Variants in KTN1 observed in about 807,000 individuals in gnomAD.
KTN1 encodes kinectin 1, also known as kinectin.
A neutral mutation model predicts 222.5 loss-of-function variants in KTN1; 130 were observed. The observed-to-expected ratio is 0.58, with a 90% confidence interval of 0.51 to 0.68. The LOEUF is 0.68. Ranked by LOEUF, KTN1 falls within the 30% of genes least tolerant of loss-of-function variation. The pLI is 0.00. For missense variants in KTN1, 1,508 were observed against 1,500.4 expected (o/e 1.01, Z -0.08); for synonymous variants, 512 against 496.3 (o/e 1.03, Z -0.42).
intron 1 of KTN1, 77 bp from the exon 2 acceptor site, chr14:55,611,942 C>A: frequency 1.7e-6 from 1 of 583,564 alleles, no homozygotes; most frequent in South Asian, 4.5e-5. Context: ...CTTGAAAGAG[C>A]AGCAGTTTTG....
At chr14:55,656,606 C>T (rs10130197) in intron 29 of KTN1, among the ~76,000 whole-genome samples, 471 of 152,202 alleles carry the variant, frequency 3.1e-3, no homozygotes, top group African/African-American at 0.011. Flanking sequence ...GCTGGGACTA[C>T]AGGCATGCAC....
intron 1 of KTN1, among the ~76,000 whole-genome samples, chr14:55,593,992 A>G (rs557413169): frequency 7.2e-5 from 11 of 152,194 alleles, no homozygotes; most frequent in Non-Finnish European, 1.5e-4. Flanking sequence ...CCTCTACTGC[A>G]CTTAAGATAT....
intron 37 of KTN1, 184 bp downstream of exon 37, chr14:55,672,061 T>C (rs990250062): frequency 2.0e-5 from 11 of 541,142 alleles, no homozygotes; most frequent in Middle Eastern, 6.1e-4. Context: ...CCACCCAAGT[T>C]TGAAAATCAC....
At position 55,589,619 on chromosome 14, in the gene KTN1, T is replaced by G. The variant is rs978213125; in HGVS notation, c.-31+9265T>G. On this transcript the variant is annotated intron_variant, in intron 1 of 43. Coordinates refer to ENST00000395314, the MANE Select transcript of KTN1 (RefSeq NM_001079521.2). Reference sequence around the variant, plus strand: ...GCCACCATGCTGGGCCAGAGATTCTTTAATTATTATTCTTGGTTACTATAT... The same window carrying G: ...GCCACCATGCTGGGCCAGAGATTCTGTAATTATTATTCTTGGTTACTATAT... 1.2e-4 allele frequency among the ~76,000 whole-genome samples: 18 copies of G among 151,430 alleles called. 1 individual carries two copies. Among genetic ancestry groups the G allele is most frequent in the African/African-American group, 4.1e-4 (17 of 41,406 alleles).
Position 55,652,857 on chromosome 14 carries a change from G to C in KTN1, c.2611G>C (p.Gly871Arg). The change falls in exon 26 of 44, where the codon GGA (glycine) becomes CGA (arginine). Residue 871 changes from glycine to arginine, a missense_variant. Coordinates refer to ENST00000395314, the MANE Select transcript of KTN1 (RefSeq NM_001079521.2). ...TGATTAATTTATTATCAGATTAAAA[G>C]GAAAAGAGGAACAGATGAATACCAT... ...KVQELQNLLK[G>R]KEEQMNTMKA... 6.3e-7 allele frequency: 1 copy of C among 1,593,938 alleles called. No homozygotes were observed. The highest frequency in any genetic ancestry group is 1.7e-4 in the Middle Eastern group (1 of 5,942).
At chr14:55,647,069 A>C in intron 19 of KTN1, 62 bp downstream of exon 19, 1 of 1,010,986 alleles carries the variant, frequency 9.9e-7, no homozygotes, top group Admixed American at 2.0e-5. Context: ...AACTACATTA[A>C]TTAGAGTTTT....
chr14:55,644,823 A>G (rs2042142412), intron 18 of KTN1, among the ~76,000 whole-genome samples: 1 of 152,180 alleles, frequency 6.6e-6, no homozygotes, highest in East Asian at 1.9e-4. Context: ...TAAAGTAAAA[A>G]TGTTGGAGGA....
chr14:55,658,449 T>G, intron 29 of KTN1, 97 bp from the exon 30 acceptor site: 1 of 741,150 alleles, frequency 1.3e-6, no homozygotes, highest in South Asian at 1.6e-5. Flanking sequence ...TATTTTGGAA[T>G]TTTTCTAGCT....
chr14:55,634,599 A>G lies in KTN1; in HGVS notation c.1402A>G (p.Lys468Glu), dbSNP rs765730207. The change falls in exon 9 of 44, where the codon AAG becomes GAG. Residue 468 changes from lysine (K) to glutamate (E), a missense_variant. Physicochemically the swap from Lys to Glu is moderately conservative, Grantham distance 56. Coordinates refer to ENST00000395314, the MANE Select transcript of KTN1 (RefSeq NM_001079521.2). ...LVNELTEKTGKLQQEEVQKKN... is the reference protein window; with the variant it reads ...LVNELTEKTGELQQEEVQKKN... ...GAATGAGCTGACTGAGAAAACAGGA[A>G]AGCTACAGCAAGAGGAAGTCCAAAA... 8.7e-6 allele frequency: 14 copies of G among 1,613,814 alleles called. No homozygotes were observed. In the South Asian group the frequency reaches 1.5e-4, roughly 18 times the overall value.
intron 1 of KTN1, among the ~76,000 whole-genome samples, chr14:55,581,740 G>A (rs2031698297): frequency 6.6e-6 from 1 of 152,046 alleles, no homozygotes; most frequent in Non-Finnish European, 1.5e-5. Context: ...TTGGTCCGAA[G>A]CAATTGCTGG....
At chr14:55,646,436 CTTTCCTTTTCCTTTTCCTTTTCCTT>C (rs1338680911) in intron 18 of KTN1, among the ~76,000 whole-genome samples, 5 of 96,876 alleles carry the variant, frequency 5.2e-5, no homozygotes, top group Non-Finnish European at 6.3e-5. Flanking sequence ...CCTTCCTTTC[CTTTCCTTTTCCTTTTCCTTTTCCTT>C]TTCCTTTCCT....
At chr14:55,666,413 TA>T in intron 33 of KTN1, among the ~76,000 whole-genome samples, 1 of 151,990 alleles carries the variant, frequency 6.6e-6, no homozygotes, top group Non-Finnish European at 1.5e-5. Context: ...TGCATTTTTA[TA>T]GGGGTCTTTT....
rs183818125 is a variant in KTN1 at position 55,581,034 on chromosome 14, C to T, written c.-31+680C>T. Among the ~76,000 whole-genome samples, 374 of 152,360 alleles carry T rather than the reference C, an allele frequency of 2.5e-3. 1 individual carries two copies. Among genetic ancestry groups the T allele is most frequent in the Non-Finnish European group, 3.9e-3 (266 of 68,030 alleles). On this transcript the variant is annotated intron_variant, in intron 1 of 43. Coordinates refer to ENST00000395314, the MANE Select transcript of KTN1 (RefSeq NM_001079521.2). ...CACTCTCGACACCGGCGAAGTTATC[C>T]CTTCCTGTCCCCGAGGGGTGTGTCC...
chr14:55,666,938 A>AT (rs1278676390), intron 33 of KTN1, among the ~76,000 whole-genome samples: 1 of 151,944 alleles, frequency 6.6e-6, no homozygotes, highest in Non-Finnish European at 1.5e-5. Flanking sequence ...TGTGTGTCTG[A>AT]TTTTGAATTG....
At chr14:55,587,873 A>T (rs1399885450) in intron 1 of KTN1, among the ~76,000 whole-genome samples, 1 of 152,104 alleles carries the variant, frequency 6.6e-6, no homozygotes, top group Non-Finnish European at 1.5e-5. Flanking sequence ...TTTAAGTTTA[A>T]ATTGAATCCT....
chr14:55,663,203 G>A (rs554425656), intron 32 of KTN1: 9 of 203,608 alleles, frequency 4.4e-5, no homozygotes, highest in East Asian at 3.6e-4. Flanking sequence ...TTTATTTTTC[G>A]TTGTTGGTTT....
intron 1 of KTN1, among the ~76,000 whole-genome samples, chr14:55,582,845 C>T (rs1268679507): frequency 6.6e-6 from 1 of 152,060 alleles, no homozygotes; most frequent in African/African-American, 2.4e-5. Flanking sequence ...ACCTTATGAC[C>T]TGCTTGTTCT....
At chr14:55,609,807 C>A (rs540983193) in intron 1 of KTN1, among the ~76,000 whole-genome samples, 1 of 152,190 alleles carries the variant, frequency 6.6e-6, no homozygotes, top group East Asian at 1.9e-4. Context: ...CATTCCAACT[C>A]ATTGTTTTGT....
chr14:55,673,665 C>T lies in KTN1; in HGVS notation c.3771+410C>T, dbSNP rs548069710. 8 of 154,686 alleles carry T rather than the reference C, an allele frequency of 5.2e-5. No individual in the cohort carries two copies. The South Asian group carries it at 1.6e-3, about 31-fold the overall frequency. 9.6% of individuals were successfully genotyped at this position (154,686 alleles called of 1,614,324 possible). A position where few individuals can be genotyped will look rare whatever the true frequency, so the allele number is the denominator to read the frequency against. ...AGAAGATTATATTGAAAGTCAAAGA[C>T]ACATATTCTTCATTCAAGGGCAGTA... On this transcript the variant is annotated intron_variant, in intron 40 of 43. Transcript: ENST00000395314.
Sources: gnomAD v4.1 joint callset for allele counts (sites outside exome capture counted in the v4.1 genomes callset) on GRCh38, gnomAD v4.1.1 for gene constraint, MANE v1.5 for transcripts, NCBI Gene and HGNC (gene_info 2026-07-23, HGNC 2026-07-21) for gene names.